The following ZSCAN5C variants were observed in gnomAD, a reference collection of about 807,000 sequenced individuals.
ZSCAN5C encodes zinc finger and SCAN domain-containing protein 5C.
A neutral mutation model predicts 17.3 loss-of-function variants in ZSCAN5C; 11 were observed. That is an observed-to-expected ratio of 0.64 (90% CI 0.40 to 1.06). The LOEUF (loss-of-function observed/expected upper bound fraction) is 1.06. Ranked by LOEUF, ZSCAN5C falls within the 50% of genes least tolerant of loss-of-function variation. ZSCAN5C has a pLI of 0.00. For missense variants in ZSCAN5C, 698 were observed against 538.9 expected (o/e 1.30, Z -2.92); for synonymous variants, 229 against 208.4 (o/e 1.10, Z -0.85).
chr19:56,205,598 T>C (rs2032911474), intron 1 of ZSCAN5C, among the ~76,000 whole-genome samples, 189 bp from the exon 2 acceptor site: 1 of 151,452 alleles, frequency 6.6e-6, no homozygotes, highest in Non-Finnish European at 1.5e-5. Context: ...TCCAGGGGAG[T>C]ATTCAGATTT....
chr19:56,207,218 G>A (rs1264855688), exon 3 of ZSCAN5C: 1 of 779,170 alleles, frequency 1.3e-6, no homozygotes, highest in South Asian at 1.4e-5. Context: ...GGCCAGCCAA[G>A]AGCTGCAGAC....
chr19:56,207,107 G>A (rs1170428940), exon 3 of ZSCAN5C: 4 of 753,174 alleles, frequency 5.3e-6, no homozygotes, highest in Admixed American at 1.8e-5. Context: ...GGAATCAGAT[G>A]TGGAGATGGC....
exon 5 of ZSCAN5C, chr19:56,209,073 T>A: frequency 6.2e-7 from 1 of 1,601,022 alleles, no homozygotes. Context: ...AAGGCAAATC[T>A]GAAGGAGCAC....
At position 56,207,388 on chromosome 19, in the gene ZSCAN5C, G is replaced by A. The variant is rs371224835; in HGVS notation, c.588+126G>A. 1,278 of 583,838 alleles carry A rather than the reference G, an allele frequency of 2.2e-3. 26 individuals are homozygous for A. The highest frequency in any genetic ancestry group is 0.02 in the African/African-American group (1,071 of 53,388). The allele number at this position is 583,838 out of a possible 1,614,324, so 36.2% of individuals were successfully genotyped here. Reference sequence around the variant, plus strand: ...ATTACAGCCATTCCCCATGGACATGGTACATCCCCAAACATTCATTCCTGA... The same window carrying A: ...ATTACAGCCATTCCCCATGGACATGATACATCCCCAAACATTCATTCCTGA... On this transcript the variant is annotated intron_variant, in intron 3 of 4. Transcript: ENST00000534327.
Position 56,209,132 on chromosome 19 carries a change from A to G in ZSCAN5C, c.1423A>G (p.Arg475Gly), listed in dbSNP as rs769645499. 4.6e-6 allele frequency: 7 copies of G among 1,528,782 alleles called. No individual in the cohort carries two copies. The African/African-American group carries it at 6.9e-5, about 15-fold the overall frequency. 94.7% of individuals were successfully genotyped at this position (1,528,782 alleles called of 1,614,324 possible). Residue 475 changes from arginine to glycine, a missense_variant, in exon 5 of 5, where the codon AGA (arginine) becomes GGA (glycine). Physicochemically the swap from Arg to Gly is moderately radical, Grantham distance 125 (BLOSUM62 -2). Coordinates refer to ENST00000534327, the Ensembl canonical transcript of ZSCAN5C. ...ACCCCACAAATGTTCCAAGTGTCCAAGAGCCTTCGGTCGGCCGGCGACCTT... is the reference window on the plus strand; with the variant it reads ...ACCCCACAAATGTTCCAAGTGTCCAGGAGCCTTCGGTCGGCCGGCGACCTT...
intron 3 of ZSCAN5C, among the ~76,000 whole-genome samples, chr19:56,207,736 C>T (rs1041615937): frequency 2.0e-5 from 3 of 151,662 alleles, no homozygotes; most frequent in African/African-American, 7.3e-5. Context: ...TTGATAGCAT[C>T]TAGAGGGTGG....
chr19:56,208,235 T>A (rs1599948004), intron 4 of ZSCAN5C, 51 bp downstream of exon 4: 1 of 718,666 alleles, frequency 1.4e-6, no homozygotes, highest in East Asian at 2.5e-5. Flanking sequence ...TCTTCTGGGG[T>A]GTGGGGCTGG....
rs577184275 is a variant in ZSCAN5C at position 56,208,599 on chromosome 19, T to C, written c.890T>C (p.Leu297Pro). 184 of 1,601,190 alleles carry C rather than the reference T, an allele frequency of 1.1e-4. 2 individuals are homozygous for C. In the African/African-American group the frequency reaches 1.8e-3, roughly 16 times the overall value. Residue 297 changes from leucine (L) to proline (P), a missense_variant, in exon 5 of 5, where the codon CTC (leucine) becomes CCC (proline). By Grantham distance (98) the Leu-to-Pro change is moderately conservative. Around this residue, in one of 3 missense-constraint regions of ZSCAN5C, gnomAD observed 554 missense variants for 390.5 expected, o/e 1.42. Transcript: ENST00000534327. ...GGAGACGCTCTGAATCTGAGAGGTCTCAAAAGAAGCAAACCAGACGCCACC... is the reference window on the plus strand; with the variant it reads ...GGAGACGCTCTGAATCTGAGAGGTCCCAAAAGAAGCAAACCAGACGCCACC...
chr19:56,206,710 A>AG (rs1198221611), intron 2 of ZSCAN5C, among the ~76,000 whole-genome samples: 4 of 151,816 alleles, frequency 2.6e-5, no homozygotes. Flanking sequence ...AGTGAACTGA[A>AG]GGGGGGCCCA....
intron 1 of ZSCAN5C, among the ~76,000 whole-genome samples, chr19:56,203,985 C>T (rs998390474): frequency 6.6e-6 from 1 of 151,716 alleles, no homozygotes; most frequent in Non-Finnish European, 1.5e-5. Flanking sequence ...TTTACATTAC[C>T]TACTTCTTTT....
intron 1 of ZSCAN5C, among the ~76,000 whole-genome samples, chr19:56,204,776 T>A (rs138421109): frequency 0.025 from 3,797 of 151,894 alleles, 64 homozygotes; most frequent in Middle Eastern, 0.044. Context: ...CTCCTGCCAG[T>A]TTTTTCTCCC....
chr19:56,206,772 C>T lies in ZSCAN5C; in HGVS notation c.385-287C>T, dbSNP rs2032926197. On this transcript the variant is annotated intron_variant, in intron 2 of 4. Coordinates refer to ENST00000534327, the Ensembl canonical transcript of ZSCAN5C. ...TGGCTGGTATCAGAGATTCAGGGAT[C>T]TGCCTCCAGGTCCGCACATGAGCCC... 2.0e-5 allele frequency among the ~76,000 whole-genome samples: 3 copies of T among 152,066 alleles called. 1 individual carries two copies. In the South Asian group the frequency reaches 6.2e-4, roughly 32 times the overall value.
At chr19:56,209,011 C>A in exon 5 of ZSCAN5C, 1 of 1,613,084 alleles carries the variant, frequency 6.2e-7, no homozygotes, top group South Asian at 1.1e-5. Flanking sequence ...AGAGAAGCCA[C>A]ACAGGGGAGA....
intron 1 of ZSCAN5C, among the ~76,000 whole-genome samples, chr19:56,203,041 A>T (rs13382078): frequency 0.058 from 8,755 of 151,946 alleles, 595 homozygotes; most frequent in East Asian, 0.25. Flanking sequence ...ATTTTTTCCC[A>T]TGTCCCATTG....
chr19:56,205,625 G>C lies in ZSCAN5C; in HGVS notation c.-127-162G>C, dbSNP rs903677596. ...TTCAGATTTTACTCCAGAACATGTG[G>C]TCAGGTGTAGACACTGGAAGAATAA... is the stretch of plus-strand genomic sequence containing the variant. On this transcript the variant is annotated intron_variant, in intron 1 of 4. Transcript: ENST00000534327. 2.0e-5 allele frequency among the ~76,000 whole-genome samples: 3 copies of C among 151,880 alleles called. No homozygotes were observed. In the East Asian group the frequency reaches 5.8e-4, roughly 29 times the overall value.
chr19:56,208,093 A>G (rs2032944171), exon 4 of ZSCAN5C: 1 of 771,132 alleles, frequency 1.3e-6, no homozygotes, highest in Non-Finnish European at 2.4e-6. Context: ...AGGCTCTGAG[A>G]CCCAAGCCGA....
intron 1 of ZSCAN5C, among the ~76,000 whole-genome samples, chr19:56,204,207 A>C (rs888333004): frequency 6.6e-6 from 1 of 150,942 alleles, no homozygotes; most frequent in Non-Finnish European, 1.5e-5. Context: ...CCACGTCCTG[A>C]TTTCCTTTCC....
intron 1 of ZSCAN5C, among the ~76,000 whole-genome samples, chr19:56,205,543 G>A (rs1451169041): frequency 6.6e-6 from 1 of 151,866 alleles, no homozygotes; most frequent in African/African-American, 2.4e-5. Context: ...CGATGGGCAG[G>A]AAAACCAATT....
rs748322715 is a variant in ZSCAN5C, at chr19:56,209,160, G to A, written c.1451G>A (p.Arg484Lys). 10 of 1,179,900 alleles carry A rather than the reference G, an allele frequency of 8.5e-6. No individual in the cohort carries two copies. In the South Asian group the frequency reaches 1.3e-4, roughly 15 times the overall value. 73.1% of individuals were successfully genotyped at this position (1,179,900 alleles called of 1,614,324 possible). A position where few individuals can be genotyped will look rare whatever the true frequency, so the allele number is the denominator to read the frequency against. The change falls in exon 5 of 5, where the codon AGA (arginine) becomes AAA (lysine). Residue 484 changes from arginine (R) to lysine (K), a missense_variant. Physicochemically the swap from Arg to Lys is conservative, Grantham distance 26. This residue lies in a region of ZSCAN5C where 554 missense variants were observed against 390.5 expected (regional missense o/e 1.42). Coordinates refer to ENST00000534327, the Ensembl canonical transcript of ZSCAN5C. Reference sequence around the variant, plus strand: ...GCCTTCGGTCGGCCGGCGACCTTAAGACGCCACCAGAAAACACATCGAGAA... The same window carrying A: ...GCCTTCGGTCGGCCGGCGACCTTAAAACGCCACCAGAAAACACATCGAGAA...
Sources: allele counts gnomAD v4.1 joint callset (sites outside exome capture counted in the v4.1 genomes callset), GRCh38; gene constraint gnomAD v4.1.1; regional missense constraint gnomAD v4.1.1; transcripts MANE v1.5; gene names NCBI Gene and HGNC (gene_info 2026-07-23, HGNC 2026-07-21).